POLD3: variants seen among roughly 807,000 people sequenced by gnomAD.
The protein encoded by POLD3 is DNA polymerase delta 3, accessory subunit.
Under a neutral mutation model 58.2 loss-of-function variants are expected in POLD3, and 19 were observed. The ratio of observed to expected loss-of-function variants is 0.33; its 90% CI spans 0.23 to 0.48. POLD3 has a LOEUF of 0.48. Among genes scored for constraint, POLD3 ranks in the 20% least tolerant of loss-of-function variants. The probability of loss-of-function intolerance (pLI) is 0.99; values close to 1 mark genes in which losing one functional copy is unlikely to be tolerated. For missense variants in POLD3, 504 were observed against 545.5 expected (o/e 0.92, Z 0.76); for synonymous variants, 172 against 193.5 (o/e 0.89, Z 0.92).
chr11:74,607,248 T>TATATATGTA (rs1565114139), intron 3 of POLD3, among the ~76,000 whole-genome samples: 9 of 95,978 alleles, frequency 9.4e-5, no homozygotes, highest in African/African-American at 4.3e-4. Context: ...TATTATATAT[T>TATATATGTA]TATTTATTTA....
chr11:74,609,911 T>C (rs1402959105), intron 3 of POLD3, among the ~76,000 whole-genome samples: 2 of 152,174 alleles, frequency 1.3e-5, no homozygotes, highest in African/African-American at 2.4e-5. Context: ...TTGGTAGTTG[T>C]TATTTATGAT....
At chr11:74,645,943 T>G (rs2032993713), downstream of POLD3, among the ~76,000 whole-genome samples, 1 of 151,584 alleles carries the variant, frequency 6.6e-6, no homozygotes, top group African/African-American at 2.4e-5. Flanking sequence ...GATTGATGTT[T>G]TTTTTTTTTT....
At chr11:74,604,887 C>A in intron 3 of POLD3, 93 bp downstream of exon 3, 1 of 709,514 alleles carries the variant, frequency 1.4e-6, no homozygotes, top group East Asian at 2.6e-5. Flanking sequence ...AATCAAGATT[C>A]TGTGTTATAG....
chr11:74,597,173 C>T (rs67575589), intron 2 of POLD3, among the ~76,000 whole-genome samples: 19,131 of 152,096 alleles, frequency 0.13, 1,936 homozygotes, highest in African/African-American at 0.28. Context: ...ACCTCCATAC[C>T]GTTTTACATA....
At chr11:74,624,457 G>T (rs568627893) in intron 7 of POLD3, among the ~76,000 whole-genome samples, 1 of 152,288 alleles carries the variant, frequency 6.6e-6, no homozygotes, top group Admixed American at 6.5e-5. Context: ...ACTAAGCTAT[G>T]CATAATAGCC....
chr11:74,612,023 C>T (rs1281756386), intron 4 of POLD3, among the ~76,000 whole-genome samples: 1 of 152,164 alleles, frequency 6.6e-6, no homozygotes, highest in Non-Finnish European at 1.5e-5. Flanking sequence ...TGATCTTGGA[C>T]CTATATCTCA....
intron 5 of POLD3, among the ~76,000 whole-genome samples, chr11:74,615,593 GGGT>G (rs2032058492): frequency 6.6e-6 from 1 of 152,180 alleles, no homozygotes; most frequent in Non-Finnish European, 1.5e-5. Flanking sequence ...GCAGAAAAGA[GGGT>G]GGTAGCTAAG....
chr11:74,664,398 A>C (rs946068513), intron 4 of POLD3, among the ~76,000 whole-genome samples: 6 of 152,232 alleles, frequency 3.9e-5, no homozygotes, highest in African/African-American at 1.4e-4. Flanking sequence ...TGGATGAATA[A>C]ATTGTGGTAT....
In POLD3 at chr11:74,598,408, C is replaced by T. The variant is rs117942538; in HGVS notation, c.116+4292C>T. On this transcript the variant is annotated intron_variant, in intron 2 of 11. Transcript: ENST00000263681. ...ATATAAACTCTATGAAGGCAGGAAA[C>T]TTGTCAGGTTCATCACTGTTCTGAT... 6.1e-3 allele frequency among the ~76,000 whole-genome samples: 935 copies of T among 152,264 alleles called. 4 individuals carry two copies. Among genetic ancestry groups the T allele is most frequent in the Middle Eastern group, 0.014 (4 of 294 alleles).
rs751694881 is a variant in POLD3, at chr11:74,611,492, C to T, written c.220-7C>T. ...TTAAGCACTAATAAAGTGTTATTTT[C>T]TTACAGTGCCACAAGGTTGCAGTAG... On this transcript the variant is annotated splice_region_variant and splice_polypyrimidine_tract_variant and intron_variant, in intron 3 of 11. Coordinates refer to ENST00000263681, the MANE Select transcript of POLD3 (RefSeq NM_006591.3). 1 of 1,535,828 alleles carries T rather than the reference C, an allele frequency of 6.5e-7. No homozygotes were observed.
At chr11:74,598,674 G>A (rs1194500248) in intron 2 of POLD3, among the ~76,000 whole-genome samples, 2 of 152,158 alleles carry the variant, frequency 1.3e-5, no homozygotes, top group Non-Finnish European at 1.5e-5. Flanking sequence ...TTTAGCTGGG[G>A]CAGTGGACTA....
chr11:74,620,111 T>C, intron 7 of POLD3, 22 bp downstream of exon 7: 1 of 1,526,230 alleles, frequency 6.6e-7, no homozygotes, highest in Non-Finnish European at 9.1e-7. Flanking sequence ...CTTACCTCAC[T>C]TTGACTAACG....
Position 74,604,850 on chromosome 11 carries a change from TATAAC to T in POLD3, c.219+60_219+64del, listed in dbSNP as rs2031622395. Reference sequence around the variant, plus strand: ...AATGTGTTTGTGTTATGAAGAGTGTTATAACATAGTTCAGGGGAGAGAAAAAAATC... The same window carrying T: ...AATGTGTTTGTGTTATGAAGAGTGTTATAGTTCAGGGGAGAGAAAAAAATC... On this transcript the variant is annotated intron_variant, in intron 3 of 11. Transcript: ENST00000263681. 4.3e-6 allele frequency: 4 copies of T among 938,260 alleles called. No homozygotes were observed. In the Admixed American group the frequency reaches 5.4e-5, roughly 13 times the overall value. 58.1% of individuals were successfully genotyped at this position (938,260 alleles called of 1,614,324 possible). A position where few individuals can be genotyped will look rare whatever the true frequency, so the allele number is the denominator to read the frequency against.
At chr11:74,611,964 T>TTGTTTAAAAACCCAATTCA (rs2031928658) in intron 4 of POLD3, among the ~76,000 whole-genome samples, 1 of 152,236 alleles carries the variant, frequency 6.6e-6, no homozygotes, top group Non-Finnish European at 1.5e-5. Flanking sequence ...TACCGTTGGA[T>TTGTTTAAAAACCCAATTCA]TGTTTAAAAA....
At chr11:74,651,231 A>G (rs2033065205) in intron 4 of POLD3, among the ~76,000 whole-genome samples, 1 of 152,232 alleles carries the variant, frequency 6.6e-6, no homozygotes, top group South Asian at 2.1e-4. Flanking sequence ...TATTTATTGA[A>G]TGAATTAATG....
intron 7 of POLD3, among the ~76,000 whole-genome samples, chr11:74,621,535 G>A (rs890590069): frequency 1.5e-5 from 2 of 131,988 alleles, no homozygotes; most frequent in Admixed American, 1.6e-4. Flanking sequence ...TGGCTGTTAT[G>A]GTTTTTTTTA....
At chr11:74,661,581 G>A (rs141165263) in intron 4 of POLD3, among the ~76,000 whole-genome samples, 17 of 152,310 alleles carry the variant, frequency 1.1e-4, no homozygotes, top group African/African-American at 4.1e-4. Flanking sequence ...GAGCTGGAGT[G>A]GGGTGACACA....
At chr11:74,638,804 G>A in intron 11 of POLD3, 1 of 412,664 alleles carries the variant, frequency 2.4e-6, no homozygotes, top group Non-Finnish European at 4.9e-6. Context: ...TGGGAACTGA[G>A]AGTGCATTCC....
chr11:74,615,717 G>C (rs1002135787), intron 5 of POLD3, among the ~76,000 whole-genome samples: 1 of 152,114 alleles, frequency 6.6e-6, no homozygotes, highest in Admixed American at 6.6e-5. Context: ...TGGGGAGGTG[G>C]TATGACTGAT....
Sources: gnomAD v4.1 joint callset for allele counts (sites outside exome capture counted in the v4.1 genomes callset) on GRCh38, gnomAD v4.1.1 for gene constraint, MANE v1.5 for transcripts, NCBI Gene and HGNC (gene_info 2026-07-23, HGNC 2026-07-21) for gene names.